SRPK2: variants seen among roughly 807,000 people sequenced by gnomAD.
SRPK2 encodes SFRS protein kinase 2.
In SRPK2, 21 loss-of-function variants were observed where a neutral mutation model predicts 90.8. That is an observed-to-expected ratio of 0.23 (90% CI 0.16 to 0.33). The LOEUF is 0.33. Among genes scored for constraint, SRPK2 ranks in the 10% least tolerant of loss-of-function variants. The pLI is 1.00. For synonymous variants in SRPK2, 288 were observed against 311.1 expected (o/e 0.93, Z 0.78); for missense variants, 620 against 869.0 (o/e 0.71, Z 3.60).
At chr7:105,389,424 T>TG, upstream of SRPK2, 2 of 1,203,504 alleles carry the variant, frequency 1.7e-6, no homozygotes, top group Non-Finnish European at 2.1e-6. Context: ...GACCAAAAGC[T>TG]GGGAAACCTG....
intron 2 of SRPK2, among the ~76,000 whole-genome samples, chr7:105,371,739 T>G (rs949301898): frequency 6.6e-6 from 1 of 152,024 alleles, no homozygotes; most frequent in Admixed American, 6.6e-5. Flanking sequence ...AAAGAAATGC[T>G]ATAATGCTAA....
chr7:105,176,926 T>C (rs1792032694), intron 3 of SRPK2, among the ~76,000 whole-genome samples: 1 of 152,188 alleles, frequency 6.6e-6, no homozygotes, highest in South Asian at 2.1e-4. Context: ...CAAGCCATCA[T>C]GCCCTGCCTA....
chr7:105,299,047 G>A (rs563246705), intron 2 of SRPK2, among the ~76,000 whole-genome samples: 5 of 152,272 alleles, frequency 3.3e-5, no homozygotes, highest in Non-Finnish European at 5.9e-5. Context: ...GTTAAGATCT[G>A]CCATGTCTCC....
intron 2 of SRPK2, among the ~76,000 whole-genome samples, chr7:105,340,104 G>A (rs1324834058): frequency 2.0e-5 from 3 of 150,232 alleles, no homozygotes; most frequent in African/African-American, 7.3e-5. Context: ...TAACTATAAC[G>A]ATAGTCATTA....
chr7:105,204,170 TAA>T (rs1787425568), intron 2 of SRPK2, among the ~76,000 whole-genome samples: 1 of 152,206 alleles, frequency 6.6e-6, no homozygotes, highest in African/African-American at 2.4e-5. Flanking sequence ...ACAACGATTA[TAA>T]AAAGACAGGC....
chr7:105,389,980 C>T (rs1189075667), upstream of SRPK2, among the ~76,000 whole-genome samples: 1 of 152,120 alleles, frequency 6.6e-6, no homozygotes, highest in African/African-American at 2.4e-5. Context: ...AAAAAAATAT[C>T]AAACCCTATA....
chr7:105,349,622 C>A (rs769633084), intron 2 of SRPK2, among the ~76,000 whole-genome samples: 1 of 151,926 alleles, frequency 6.6e-6, no homozygotes, highest in South Asian at 2.1e-4. Context: ...AGATTCTTCA[C>A]AAATATCCAT....
At chr7:105,259,522 G>A (rs7806600) in intron 2 of SRPK2, among the ~76,000 whole-genome samples, 9,479 of 152,082 alleles carry the variant, frequency 0.062, 1,009 homozygotes, top group African/African-American at 0.22. Flanking sequence ...TCACAGTATT[G>A]GGAAAAAAAC....
intron 2 of SRPK2, among the ~76,000 whole-genome samples, chr7:105,311,143 A>G (rs1014949290): frequency 1.3e-5 from 2 of 152,216 alleles, no homozygotes; most frequent in Admixed American, 1.3e-4. Flanking sequence ...TGCACATCAT[A>G]TATCTGATAA....
intron 3 of SRPK2, among the ~76,000 whole-genome samples, chr7:105,183,645 C>T (rs186739219): frequency 1.2e-4 from 18 of 152,140 alleles, no homozygotes; most frequent in Admixed American, 5.9e-4. Flanking sequence ...TGCCACCACA[C>T]CTGGCTAATT....
At chr7:105,396,061 A>G (rs1053698700) in intron 1 of SRPK2, among the ~76,000 whole-genome samples, 3 of 151,972 alleles carry the variant, frequency 2.0e-5, no homozygotes, top group African/African-American at 7.2e-5. Flanking sequence ...GATTACAGGC[A>G]TGCGCCACCA....
chr7:105,257,931 C>G (rs972164962), intron 2 of SRPK2, among the ~76,000 whole-genome samples: 1 of 151,504 alleles, frequency 6.6e-6, no homozygotes, highest in African/African-American at 2.4e-5. Context: ...CACAGTGAAA[C>G]CCCGTCTCTA....
chr7:105,136,898 A>T (rs75833677), intron 11 of SRPK2, among the ~76,000 whole-genome samples: 5,448 of 152,264 alleles, frequency 0.036, 345 homozygotes, highest in African/African-American at 0.12. Context: ...GAACACTGTA[A>T]GAAAAAAACA....
At chr7:105,289,280 A>C (rs1388404466) in intron 2 of SRPK2, among the ~76,000 whole-genome samples, 1 of 151,960 alleles carries the variant, frequency 6.6e-6, no homozygotes, top group East Asian at 1.9e-4. Context: ...TCTCAAAAAA[A>C]ATAAATAAAA....
At chr7:105,323,244 A>T (rs980627675) in intron 2 of SRPK2, among the ~76,000 whole-genome samples, 1 of 152,222 alleles carries the variant, frequency 6.6e-6, no homozygotes, top group Admixed American at 6.5e-5. Flanking sequence ...ATTTACATAA[A>T]TATTGAAATT....
chr7:105,130,991 T>C lies in SRPK2; in HGVS notation c.1752+1800A>G, dbSNP rs139104658. 7.9e-5 allele frequency among the ~76,000 whole-genome samples: 12 copies of C among 152,310 alleles called. No individual in the cohort carries two copies. The South Asian group carries it at 1.2e-3, about 16-fold the overall frequency. On this transcript the variant is annotated intron_variant, in intron 13 of 15. Transcript: ENST00000393651. ...TTCACAGCAATAGCATTTCAAGAAG[T>C]AAGCAGGACAGGGAAATTGTATGGA...
chr7:105,374,333 T>C (rs1182725168), intron 2 of SRPK2, among the ~76,000 whole-genome samples: 1 of 152,238 alleles, frequency 6.6e-6, no homozygotes, highest in Non-Finnish European at 1.5e-5. Context: ...CCATAGTTAA[T>C]TAGTCCTACT....
At chr7:105,381,229 G>A (rs1415967530) in intron 2 of SRPK2, among the ~76,000 whole-genome samples, 1 of 151,578 alleles carries the variant, frequency 6.6e-6, no homozygotes, top group Non-Finnish European at 1.5e-5. Flanking sequence ...GGGTGACAGA[G>A]CAAGACTGCC....
intron 7 of SRPK2, among the ~76,000 whole-genome samples, chr7:105,158,595 G>A (rs1424789005): frequency 6.6e-6 from 1 of 152,068 alleles, no homozygotes; most frequent in Non-Finnish European, 1.5e-5. Context: ...GTGGTGGTGT[G>A]GTCAGTCACT....
Sources: allele counts gnomAD v4.1 joint callset (sites outside exome capture counted in the v4.1 genomes callset), GRCh38; gene constraint gnomAD v4.1.1; transcripts MANE v1.5; gene names NCBI Gene and HGNC (gene_info 2026-07-23, HGNC 2026-07-21).